Variants in LRRC37A2 observed in about 807,000 individuals in gnomAD.
LRRC37A2 encodes leucine rich repeat containing 37 member A2.
In LRRC37A2, 9 loss-of-function variants were observed where a neutral mutation model predicts 68.8. That is an observed-to-expected ratio of 0.13 (90% CI 0.08 to 0.23). The LOEUF is 0.23. Among genes scored for constraint, LRRC37A2 ranks in the 10% least tolerant of loss-of-function variants. The pLI is 1.00. For missense variants in LRRC37A2, 168 were observed against 950.4 expected, an observed-to-expected ratio of 0.18 and a Z score of 10.82; for synonymous variants, 63 against 367.6, an observed-to-expected ratio of 0.17 and a Z score of 9.48.
the LRRC37A2 span, among the ~76,000 whole-genome samples, chr17:46,817,118 C>T: frequency 6.6e-6 from 1 of 152,184 alleles, no homozygotes; most frequent in Non-Finnish European, 1.5e-5. Flanking sequence ...TGGCCATGTC[C>T]CCACCCTCTC....
At chr17:46,392,189 C>T in the LRRC37A2 span, among the ~76,000 whole-genome samples, 1 of 65,440 alleles carries the variant, frequency 1.5e-5, no homozygotes, top group Admixed American at 1.3e-4. Context: ...CTAATATTCT[C>T]GGGTGTCTCA....
chr17:46,782,447 G>A, the LRRC37A2 span, among the ~76,000 whole-genome samples: 1 of 152,232 alleles, frequency 6.6e-6, no homozygotes, highest in African/African-American at 2.4e-5. Flanking sequence ...CTGGACAGAG[G>A]CCCAACTTGT....
At chr17:47,036,324 C>T in the LRRC37A2 span, among the ~76,000 whole-genome samples, 1 of 152,102 alleles carries the variant, frequency 6.6e-6, no homozygotes, top group Admixed American at 6.5e-5. Context: ...TGTCAGGCTG[C>T]CTTCAGCTAG....
the LRRC37A2 span, among the ~76,000 whole-genome samples, chr17:47,027,244 T>G: frequency 6.6e-6 from 1 of 152,004 alleles, no homozygotes; most frequent in African/African-American, 2.4e-5. Flanking sequence ...ATTGTATATA[T>G]AGAGATAAAA....
At chr17:46,890,379 G>C in the LRRC37A2 span, among the ~76,000 whole-genome samples, 1 of 152,188 alleles carries the variant, frequency 6.6e-6, no homozygotes, top group South Asian at 2.1e-4. Context: ...CTGCCAATTC[G>C]ATAAGAGGCT....
chr17:46,960,878 T>C, the LRRC37A2 span, among the ~76,000 whole-genome samples: 1 of 152,196 alleles, frequency 6.6e-6, no homozygotes, highest in African/African-American at 2.4e-5. Context: ...GGCTACAAAG[T>C]GGCAGCATGA....
chr17:46,870,671 A>T, the LRRC37A2 span, among the ~76,000 whole-genome samples: 1 of 152,168 alleles, frequency 6.6e-6, no homozygotes, highest in African/African-American at 2.4e-5. Context: ...CCCTCTGGTG[A>T]GGCTTCCAAC....
At chr17:46,501,186 T>C in the LRRC37A2 span, among the ~76,000 whole-genome samples, 44 of 151,242 alleles carry the variant, frequency 2.9e-4, no homozygotes, top group East Asian at 4.1e-3. Context: ...CCAGCTATAT[T>C]GACTTGTTTT....
chr17:46,722,171 T>G, the LRRC37A2 span: 1 of 1,611,472 alleles, frequency 6.2e-7, no homozygotes, highest in Non-Finnish European at 8.5e-7. Flanking sequence ...TGAACATGGC[T>G]TTCTCCTGGG....
At chr17:47,013,700 A>T in the LRRC37A2 span, among the ~76,000 whole-genome samples, 16 of 152,360 alleles carry the variant, frequency 1.1e-4, no homozygotes, top group Admixed American at 2.6e-4. Context: ...TTAGAATGAA[A>T]AAGATTCTGA....
the LRRC37A2 span, among the ~76,000 whole-genome samples, chr17:46,960,767 T>C: frequency 2.0e-5 from 3 of 152,208 alleles, no homozygotes; most frequent in African/African-American, 7.2e-5. Flanking sequence ...GGCAGCTTAT[T>C]GGGTGATTCC....
the LRRC37A2 span, chr17:46,949,063 G>A: frequency 1.3e-5 from 2 of 152,196 alleles, no homozygotes; most frequent in East Asian, 1.9e-4. Context: ...AGGGGCTGAC[G>A]GCAATAGCTC....
chr17:46,865,382 G>C, the LRRC37A2 span, among the ~76,000 whole-genome samples: 1 of 152,146 alleles, frequency 6.6e-6, no homozygotes, highest in South Asian at 2.1e-4. Context: ...CCTACAGCTG[G>C]ACCCGGCTCT....
chr17:46,977,425 G>A, the LRRC37A2 span, among the ~76,000 whole-genome samples: 4 of 152,228 alleles, frequency 2.6e-5, no homozygotes, highest in Admixed American at 2.6e-4. Context: ...AGTGTCCCCA[G>A]GTCCCCCTGT....
the LRRC37A2 span, among the ~76,000 whole-genome samples, chr17:46,955,935 A>G: frequency 6.6e-6 from 1 of 152,162 alleles, no homozygotes; most frequent in Non-Finnish European, 1.5e-5. Flanking sequence ...CTGAGGGCGA[A>G]GACTCTAATT....
At chr17:46,736,523 T>C in the LRRC37A2 span, among the ~76,000 whole-genome samples, 4 of 152,234 alleles carry the variant, frequency 2.6e-5, no homozygotes, top group African/African-American at 9.6e-5. Context: ...TCTTGGATGG[T>C]AGGATTATAG....
the LRRC37A2 span, among the ~76,000 whole-genome samples, chr17:46,754,437 A>G: frequency 6.6e-6 from 1 of 152,208 alleles, no homozygotes; most frequent in Admixed American, 6.5e-5. Context: ...CCTGGAGGGC[A>G]GGGAGTTCCC....
At chr17:47,019,500 G>A in the LRRC37A2 span, 28 of 1,563,136 alleles carry the variant, frequency 1.8e-5, no homozygotes, top group Non-Finnish European at 2.4e-5. Context: ...TACAGCCCTG[G>A]AGAAGACTAC....
the LRRC37A2 span, among the ~76,000 whole-genome samples, chr17:46,947,770 GT>G: frequency 2.0e-5 from 3 of 151,550 alleles, no homozygotes; most frequent in East Asian, 1.9e-4. Context: ...ACTAGAAATA[GT>G]TTTTTTTTCT....
Sources: allele counts gnomAD v4.1 joint callset (sites outside exome capture counted in the v4.1 genomes callset), GRCh38; gene constraint gnomAD v4.1.1; transcripts MANE v1.5; gene names NCBI Gene and HGNC (gene_info 2026-07-23, HGNC 2026-07-21).